Variants in LYPD6B observed in about 807,000 individuals in gnomAD.
The protein encoded by LYPD6B is ly6/PLAUR domain-containing protein 6B.
Under a neutral mutation model 22.8 loss-of-function variants are expected in LYPD6B, and 17 were observed. The ratio of observed to expected loss-of-function variants is 0.75; its 90% CI spans 0.51 to 1.12. LYPD6B has a LOEUF of 1.12. Ranked by LOEUF, LYPD6B falls within the 50% of genes most tolerant of loss-of-function variation. The probability of loss-of-function intolerance (pLI) is 0.00; values close to 1 mark genes in which losing one functional copy is unlikely to be tolerated. For missense variants in LYPD6B, 221 were observed against 258.3 expected (o/e 0.86, Z 0.99); for synonymous variants, 106 against 91.6 (o/e 1.16, Z -0.90).
At chr2:149,198,299 C>T (rs968019165) in intron 3 of LYPD6B, among the ~76,000 whole-genome samples, 1 of 152,136 alleles carries the variant, frequency 6.6e-6, no homozygotes, top group Admixed American at 6.5e-5. Context: ...ACCTTGGCCT[C>T]CCAAAGTGCT....
At chr2:149,180,346 C>A (rs1045634826) in intron 3 of LYPD6B, among the ~76,000 whole-genome samples, 2 of 152,124 alleles carry the variant, frequency 1.3e-5, no homozygotes, top group Non-Finnish European at 2.9e-5. Context: ...TTTAATGATT[C>A]CCTGCTTCTG....
chr2:149,058,640 A>G (rs1282447838), intron 1 of LYPD6B, among the ~76,000 whole-genome samples: 1 of 151,968 alleles, frequency 6.6e-6, no homozygotes, highest in Non-Finnish European at 1.5e-5. Flanking sequence ...TATTTTTGAG[A>G]TGGAGTTTTG....
At chr2:149,204,564 A>G (rs897703479) in intron 3 of LYPD6B, 5 of 154,474 alleles carry the variant, frequency 3.2e-5, no homozygotes, top group Admixed American at 6.5e-5. Context: ...CTAACATTAT[A>G]TGGTTGTCAG....
At chr2:149,158,798 T>C (rs1689866194) in intron 2 of LYPD6B, among the ~76,000 whole-genome samples, 1 of 152,208 alleles carries the variant, frequency 6.6e-6, no homozygotes, top group African/African-American at 2.4e-5. Flanking sequence ...TCCTTAGACA[T>C]ATATTACTTG....
intron 1 of LYPD6B, among the ~76,000 whole-genome samples, chr2:149,063,123 A>C (rs181703493): frequency 4.6e-5 from 7 of 152,222 alleles, no homozygotes; most frequent in Admixed American, 3.9e-4. Flanking sequence ...AACAAGTGCA[A>C]ATTTATATGG....
intron 1 of LYPD6B, among the ~76,000 whole-genome samples, chr2:149,086,641 A>G (rs564385112): frequency 1.1e-4 from 16 of 152,214 alleles, no homozygotes; most frequent in South Asian, 1.0e-3. Context: ...CCTTTTTTCT[A>G]TGGGGAGGTG....
rs60777445 is a variant in LYPD6B at position 149,083,182 on chromosome 2, C to T, written c.-67+44381C>T. 3.2e-3 allele frequency among the ~76,000 whole-genome samples: 480 copies of T among 152,336 alleles called. 5 individuals carry two copies. Among genetic ancestry groups the T allele is most frequent in the African/African-American group, 0.011 (458 of 41,574 alleles). On this transcript the variant is annotated intron_variant, in intron 1 of 6. Transcript: ENST00000409642. ...GCTTCATGCATACCATGGCCGTGTG[C>T]TGCAGCAGCATACAGTTAGCATTTT...
chr2:149,189,342 T>TATATATATATATATA (rs1692328364), intron 3 of LYPD6B, among the ~76,000 whole-genome samples: 1 of 66,114 alleles, frequency 1.5e-5, no homozygotes, highest in Non-Finnish European at 2.9e-5. Flanking sequence ...TTGTCCAAAA[T>TATATATATATATATA]TATATATATA....
At chr2:149,148,556 G>T (rs1431182700) in intron 2 of LYPD6B, among the ~76,000 whole-genome samples, 1 of 152,220 alleles carries the variant, frequency 6.6e-6, no homozygotes, top group Non-Finnish European at 1.5e-5. Context: ...GGGATGTCCA[G>T]GCTCATACAT....
Position 149,161,630 on chromosome 2 carries a change from A to G in LYPD6B, c.77+795A>G, listed in dbSNP as rs547157284. Among the ~76,000 whole-genome samples, 37 of 152,186 alleles carry G rather than the reference A, an allele frequency of 2.4e-4. No individual in the cohort carries two copies. In the Middle Eastern group the frequency reaches 0.017, roughly 70 times the overall value. ...TCTCATGGTCTTCTTCTTGGCTATC[A>G]AGGCTATCAACTACCAGCCCAGAGG... On this transcript the variant is annotated intron_variant, in intron 3 of 6. Coordinates refer to ENST00000409642, the MANE Select transcript of LYPD6B (RefSeq NM_177964.5).
intron 1 of LYPD6B, among the ~76,000 whole-genome samples, chr2:149,077,998 G>A (rs1206367846): frequency 6.6e-6 from 1 of 152,142 alleles, no homozygotes; most frequent in East Asian, 1.9e-4. Context: ...CTTTGTTAAC[G>A]TGTCTGTGTC....
At chr2:149,151,332 G>C (rs907931095) in intron 2 of LYPD6B, among the ~76,000 whole-genome samples, 1 of 152,122 alleles carries the variant, frequency 6.6e-6, no homozygotes, top group African/African-American at 2.4e-5. Flanking sequence ...AGCTGTTATA[G>C]GTGCAGGGTG....
chr2:149,089,315 T>C (rs1685537903), intron 1 of LYPD6B, among the ~76,000 whole-genome samples: 1 of 152,138 alleles, frequency 6.6e-6, no homozygotes, highest in South Asian at 2.1e-4. Context: ...AAGGGGCCAG[T>C]TGGCATGCTG....
intron 1 of LYPD6B, among the ~76,000 whole-genome samples, chr2:149,077,131 G>A (rs1003342513): frequency 1.3e-5 from 2 of 152,236 alleles, no homozygotes; most frequent in Admixed American, 6.5e-5. Flanking sequence ...ACGACTTGGT[G>A]ACCAGTGGCC....
intron 1 of LYPD6B, among the ~76,000 whole-genome samples, chr2:149,099,575 C>A (rs537571742): frequency 6.6e-6 from 1 of 152,252 alleles, no homozygotes; most frequent in South Asian, 2.1e-4. Flanking sequence ...ATACCACATT[C>A]TCTGTATAAT....
intron 6 of LYPD6B, 84 bp downstream of exon 6, chr2:149,213,206 G>T (rs947492721): frequency 6.6e-6 from 10 of 1,518,954 alleles, no homozygotes; most frequent in Non-Finnish European, 8.1e-6. Context: ...AGGAAGGATA[G>T]TAATATGTGG....
chr2:149,059,021 G>A (rs1427605548), intron 1 of LYPD6B, among the ~76,000 whole-genome samples: 6 of 152,182 alleles, frequency 3.9e-5, no homozygotes, highest in South Asian at 2.1e-4. Context: ...GGGCAGCCAC[G>A]GTCTCCATCT....
chr2:149,081,183 G>A (rs546366748), intron 1 of LYPD6B, among the ~76,000 whole-genome samples: 1 of 152,134 alleles, frequency 6.6e-6, no homozygotes, highest in African/African-American at 2.4e-5. Context: ...AAGATCAAAG[G>A]CCTTTGTAAT....
At chr2:149,060,261 A>G (rs534711551) in intron 1 of LYPD6B, among the ~76,000 whole-genome samples, 4 of 152,238 alleles carry the variant, frequency 2.6e-5, no homozygotes, top group Admixed American at 2.6e-4. Context: ...TCCTGCCTTG[A>G]CCACTTTCCA....
Sources: allele counts gnomAD v4.1 joint callset (sites outside exome capture counted in the v4.1 genomes callset), GRCh38; gene constraint gnomAD v4.1.1; transcripts MANE v1.5; gene names NCBI Gene and HGNC (gene_info 2026-07-23, HGNC 2026-07-21).